GNAI1: variants seen among roughly 807,000 people sequenced by gnomAD.
GNAI1 encodes guanine nucleotide-binding protein G(i) subunit alpha-1.
Under a neutral mutation model 38.9 loss-of-function variants are expected in GNAI1, and 11 were observed. The ratio of observed to expected loss-of-function variants is 0.28; its 90% CI spans 0.18 to 0.47. GNAI1 has a LOEUF of 0.47. Among genes scored for constraint, GNAI1 ranks in the 20% least tolerant of loss-of-function variants. The pLI is 0.99. For synonymous variants in GNAI1, 166 were observed against 145.1 expected (o/e 1.14, Z -1.04); for missense variants, 317 against 436.9 (o/e 0.73, Z 2.45).
chr7:80,217,198 C>CCGTATGAAACTGACTTCAGTTTCATA, intron 7 of GNAI1, 105 bp from the exon 8 acceptor site: 1 of 478,782 alleles, frequency 2.1e-6, no homozygotes, highest in Non-Finnish European at 3.6e-6. Context: ...ATGAATGAAA[C>CCGTATGAAACTGACTTCAGTTTCATA]TGTATGAAAC....
intron 1 of GNAI1, among the ~76,000 whole-genome samples, chr7:80,137,922 C>G (rs1787453989): frequency 6.6e-6 from 1 of 152,144 alleles, no homozygotes; most frequent in African/African-American, 2.4e-5. Flanking sequence ...CATTGTTTTC[C>G]TAATTTGACT....
intron 3 of GNAI1, among the ~76,000 whole-genome samples, chr7:80,196,121 A>C (rs182652072): frequency 2.8e-4 from 42 of 152,124 alleles, no homozygotes; most frequent in Non-Finnish European, 4.7e-4. Flanking sequence ...ATGAGGACTT[A>C]TTATTTGTCT....
chr7:80,152,119 G>T (rs1366965740), intron 1 of GNAI1, among the ~76,000 whole-genome samples: 1 of 152,132 alleles, frequency 6.6e-6, no homozygotes, highest in Non-Finnish European at 1.5e-5. Flanking sequence ...TACAAAGCAG[G>T]AAATTGAGTT....
rs368128822 is a variant in GNAI1, at chr7:80,135,181, C to G, written c.21C>G (p.Ala7=). The G allele has an allele frequency of 3.2e-6, 5 of 1,543,498 alleles. No homozygotes were observed. In the South Asian group the frequency reaches 3.6e-5, roughly 11 times the overall value. The part of the protein sequence containing the change: MGCTLS[A]EDKAAVERSK... The stretch of plus-strand genomic sequence containing the variant: ...GCACCATGGGCTGCACGCTGAGCGC[C>G]GAGGACAAGGCGGCGGTGGAGCGGA... Residue 7 remains alanine (A), a synonymous_variant, in exon 1 of 8, where the codon GCC becomes GCG. Coordinates refer to ENST00000649796, the MANE Select transcript of GNAI1 (RefSeq NM_002069.6).
chr7:80,217,540 T>C lies in GNAI1; in HGVS notation c.*47T>C. ...TGCATTTTCAAACCAAATGAGTACTTATATATGGATCTCTGTAGACTAGAG... is the reference window on the plus strand; with the variant it reads ...TGCATTTTCAAACCAAATGAGTACTCATATATGGATCTCTGTAGACTAGAG... On this transcript the variant is annotated 3_prime_UTR_variant, in exon 8 of 8. Transcript: ENST00000649796. The C allele has an allele frequency of 9.4e-7, 1 of 1,064,872 alleles. No individual in the cohort carries two copies. Among genetic ancestry groups the C allele is most frequent in the South Asian group, 1.6e-5 (1 of 63,650 alleles). The allele number at this position is 1,064,872 out of a possible 1,614,324, so 66.0% of individuals were successfully genotyped here.
chr7:80,170,800 A>G (rs1240665574), intron 1 of GNAI1, among the ~76,000 whole-genome samples: 2 of 152,118 alleles, frequency 1.3e-5, no homozygotes, highest in Admixed American at 6.5e-5. Context: ...AGGGATTACA[A>G]TTTGTCATGA....
Position 80,217,760 on chromosome 7 carries a change from A to G in GNAI1, c.*267A>G. On this transcript the variant is annotated 3_prime_UTR_variant, in exon 8 of 8. Coordinates refer to ENST00000649796, the MANE Select transcript of GNAI1 (RefSeq NM_002069.6). Reference sequence around the variant, plus strand: ...TGATGATTTCTGCATAAGTGTAAATATGCAAATGTATGTATACATGTATTT... The same window carrying G: ...TGATGATTTCTGCATAAGTGTAAATGTGCAAATGTATGTATACATGTATTT... 2 of 235,968 alleles carry G rather than the reference A, an allele frequency of 8.5e-6. No individual in the cohort carries two copies. Among genetic ancestry groups the G allele is most frequent in the Non-Finnish European group, 1.6e-5 (2 of 122,680 alleles). The allele number at this position is 235,968 out of a possible 1,614,324, so 14.6% of individuals were successfully genotyped here.
At chr7:80,153,097 T>C (rs1289657683) in intron 1 of GNAI1, among the ~76,000 whole-genome samples, 2 of 152,204 alleles carry the variant, frequency 1.3e-5, no homozygotes, top group African/African-American at 4.8e-5. Context: ...GTAACTAAAA[T>C]ATTAAATTTA....
rs80227306 is a variant in GNAI1, at chr7:80,152,418, C to T, written c.118+17140C>T. ...CACCATTATTAACTGATATACCCAA[C>T]AGGTGTTTTAACTAGATAGTTTAAA... On this transcript the variant is annotated intron_variant, in intron 1 of 7. Transcript: ENST00000649796. 4.2e-3 allele frequency among the ~76,000 whole-genome samples: 634 copies of T among 152,216 alleles called. 3 individuals carry two copies. Among genetic ancestry groups the T allele is most frequent in the Non-Finnish European group, 6.7e-3 (459 of 68,020 alleles).
chr7:80,146,486 A>G (rs184125109), intron 1 of GNAI1, among the ~76,000 whole-genome samples: 227 of 152,278 alleles, frequency 1.5e-3, no homozygotes, highest in African/African-American at 5.0e-3. Flanking sequence ...TTTTCCCACA[A>G]TTATTCCTAC....
chr7:80,168,663 G>A (rs543323845), intron 1 of GNAI1, among the ~76,000 whole-genome samples: 1 of 152,138 alleles, frequency 6.6e-6, no homozygotes, highest in African/African-American at 2.4e-5. Context: ...GATTACAGGC[G>A]TGAGCCACCG....
chr7:80,189,064 C>T, intron 2 of GNAI1, 26 bp from the exon 3 acceptor site: 1 of 1,600,494 alleles, frequency 6.2e-7, no homozygotes, highest in African/African-American at 1.3e-5. Flanking sequence ...GTAAATAATT[C>T]TTTTTTTTCC....
At position 80,221,127 on chromosome 7, in the gene GNAI1, T is replaced by C. The variant is rs529553606; in HGVS notation, c.*3634T>C. Among the ~76,000 whole-genome samples, 1 of 152,332 alleles carries C rather than the reference T, an allele frequency of 6.6e-6. No individual in the cohort carries two copies. Among genetic ancestry groups the C allele is most frequent in the South Asian group, 2.1e-4 (1 of 4,828 alleles). On this transcript the variant is annotated 3_prime_UTR_variant, in exon 8 of 8. Transcript: ENST00000649796. ...GTGTTATGTTGGAAGTAGAAAGTGA[T>C]GGTGAAAATCCTAGGCTCTGGCACC...
At chr7:80,210,892 T>A in intron 5 of GNAI1, 77 bp from the exon 6 acceptor site, 1 of 1,286,718 alleles carries the variant, frequency 7.8e-7, no homozygotes, top group Non-Finnish European at 1.1e-6. Flanking sequence ...TTCAGAGCTT[T>A]TTTTGTTAGC....
chr7:80,180,562 C>T (rs1437254696), intron 1 of GNAI1, among the ~76,000 whole-genome samples: 1 of 152,036 alleles, frequency 6.6e-6, no homozygotes, highest in Non-Finnish European at 1.5e-5. Flanking sequence ...GGTACAGATG[C>T]CTCATTAACC....
intron 3 of GNAI1, among the ~76,000 whole-genome samples, chr7:80,191,891 A>G (rs892878414): frequency 1.3e-5 from 2 of 152,178 alleles, no homozygotes; most frequent in Admixed American, 6.5e-5. Flanking sequence ...GGTGTTATCA[A>G]CATTTCAGTT....
At chr7:80,200,022 C>G (rs1788650003) in intron 4 of GNAI1, among the ~76,000 whole-genome samples, 1 of 151,836 alleles carries the variant, frequency 6.6e-6, no homozygotes. Flanking sequence ...GTGATGAAAC[C>G]TAATCAGGGA....
chr7:80,152,343 A>G (rs142215091), intron 1 of GNAI1, among the ~76,000 whole-genome samples: 18 of 152,330 alleles, frequency 1.2e-4, no homozygotes, highest in Non-Finnish European at 2.1e-4. Context: ...TATCTGTTGA[A>G]TAAATTAATG....
intron 5 of GNAI1, among the ~76,000 whole-genome samples, chr7:80,209,074 C>T (rs1251147707): frequency 2.6e-5 from 4 of 152,110 alleles, no homozygotes; most frequent in Non-Finnish European, 5.9e-5. Context: ...CTTTAATCTC[C>T]CTATTTCTAC....
Sources: gnomAD v4.1 joint callset for allele counts (sites outside exome capture counted in the v4.1 genomes callset) on GRCh38, gnomAD v4.1.1 for gene constraint, MANE v1.5 for transcripts, NCBI Gene and HGNC (gene_info 2026-07-23, HGNC 2026-07-21) for gene names.